Variants in NR5A2 observed in about 807,000 individuals in gnomAD.
The protein encoded by NR5A2 is CYP7A promoter-binding factor.
A neutral mutation model predicts 62.7 loss-of-function variants in NR5A2; 26 were observed. That is an observed-to-expected ratio of 0.41 (90% confidence interval 0.30 to 0.58). The LOEUF (loss-of-function observed/expected upper bound fraction) is 0.58, where lower values mean the gene tolerates loss of function less well. Ranked by LOEUF, NR5A2 falls within the 20% of genes least tolerant of loss-of-function variation. The pLI is 0.22. For missense variants in NR5A2, 541 were observed against 669.1 expected (o/e 0.81, Z 2.11); for synonymous variants, 246 against 241.7 (o/e 1.02, Z -0.16).
intron 5 of NR5A2, among the ~76,000 whole-genome samples, chr1:200,079,954 T>C (rs1436892258): frequency 4.6e-5 from 7 of 152,196 alleles, no homozygotes; most frequent in Admixed American, 4.6e-4. Context: ...ATTTAGTCAT[T>C]TGGGTTTCAA....
At chr1:200,062,227 T>TGTGTGTGTG (rs1663256673) in intron 5 of NR5A2, among the ~76,000 whole-genome samples, 12 of 145,666 alleles carry the variant, frequency 8.2e-5, no homozygotes, top group African/African-American at 2.5e-4. Context: ...CTGGCAGATT[T>TGTGTGTGTG]TGTGTGTGTG....
At chr1:200,116,507 A>G (rs181240345) in intron 6 of NR5A2, among the ~76,000 whole-genome samples, 1 of 152,332 alleles carries the variant, frequency 6.6e-6, no homozygotes, top group East Asian at 1.9e-4. Context: ...GAATTGAACT[A>G]TGTCTGTTCA....
Position 200,176,008 on chromosome 1 carries a change from A to C in NR5A2, c.*1798A>C, listed in dbSNP as rs911968111. 6 of 152,676 alleles carry C rather than the reference A, an allele frequency of 3.9e-5. No individual in the cohort carries two copies. Among genetic ancestry groups the C allele is most frequent in the Non-Finnish European group, 8.8e-5 (6 of 68,036 alleles). The allele number at this position is 152,676 out of a possible 1,614,324, so 9.5% of individuals were successfully genotyped here. On this transcript the variant is annotated 3_prime_UTR_variant, in exon 8 of 8. Coordinates refer to ENST00000367362, the MANE Select transcript of NR5A2 (RefSeq NM_205860.3). ...TATAAGATATAGCCAAGACTGAAGA[A>C]ACCAAATATATGTGTTTACTGTAGC...
chr1:200,136,202 A>C (rs1181740567), intron 7 of NR5A2, among the ~76,000 whole-genome samples: 1 of 151,844 alleles, frequency 6.6e-6, no homozygotes, highest in Non-Finnish European at 1.5e-5. Flanking sequence ...CTATGCTAGG[A>C]AGCTCTTCAC....
rs1194751512 is a variant in NR5A2 at position 200,043,028 on chromosome 1, T to C, written c.203-746T>C. 3.0e-6 allele frequency: 3 copies of C among 983,828 alleles called. No individual in the cohort carries two copies. In the African/African-American group the frequency reaches 5.2e-5, roughly 17 times the overall value. The allele number at this position is 983,828 out of a possible 1,614,324, so 60.9% of individuals were successfully genotyped here. A position where few individuals can be genotyped will look rare whatever the true frequency, so the allele number is the denominator to read the frequency against. The stretch of plus-strand genomic sequence containing the variant: ...GGTTCATTACAGGGCTTCAATACTT[T>C]GAAACCAAAACCCTTCTGTGTGTCT... On this transcript the variant is annotated intron_variant, in intron 2 of 7. Transcript: ENST00000367362.
intron 7 of NR5A2, among the ~76,000 whole-genome samples, chr1:200,161,105 C>G (rs886715116): frequency 1.3e-5 from 2 of 152,048 alleles, no homozygotes; most frequent in African/African-American, 2.4e-5. Flanking sequence ...CCTCCAAGAC[C>G]AGCCAAGGCA....
intron 5 of NR5A2, among the ~76,000 whole-genome samples, chr1:200,093,931 C>A (rs1314706725): frequency 6.6e-6 from 1 of 151,996 alleles, no homozygotes; most frequent in African/African-American, 2.4e-5. Context: ...CTGAGGCGGG[C>A]GGATCACGAG....
intron 7 of NR5A2, among the ~76,000 whole-genome samples, chr1:200,129,844 G>C (rs894970835): frequency 1.3e-5 from 2 of 152,156 alleles, no homozygotes; most frequent in Admixed American, 6.5e-5. Context: ...GTTCTGACCT[G>C]GGCTGTGCTC....
chr1:200,111,433 G>T, intron 6 of NR5A2, 112 bp downstream of exon 6: 2 of 1,185,762 alleles, frequency 1.7e-6, no homozygotes, highest in South Asian at 3.2e-5. Flanking sequence ...GGGAGAGATT[G>T]GCTGCCAATA....
chr1:200,122,516 C>G (rs1383639477), intron 7 of NR5A2, among the ~76,000 whole-genome samples: 2 of 152,140 alleles, frequency 1.3e-5, no homozygotes, highest in Non-Finnish European at 1.5e-5. Flanking sequence ...GTTTTCAGCA[C>G]TTTTAACTTT....
At chr1:200,141,281 C>T (rs1310533695) in intron 7 of NR5A2, among the ~76,000 whole-genome samples, 2 of 152,258 alleles carry the variant, frequency 1.3e-5, no homozygotes, top group African/African-American at 2.4e-5. Context: ...CCACCCCTCC[C>T]TCCATTCTTA....
At chr1:200,087,480 C>T (rs1316536317) in intron 5 of NR5A2, among the ~76,000 whole-genome samples, 2 of 151,986 alleles carry the variant, frequency 1.3e-5, no homozygotes, top group South Asian at 2.1e-4. Flanking sequence ...CTGCAACCTC[C>T]GCCTCCTGGG....
At chr1:200,158,582 T>C (rs1653489009) in intron 7 of NR5A2, among the ~76,000 whole-genome samples, 1 of 152,198 alleles carries the variant, frequency 6.6e-6, no homozygotes, top group African/African-American at 2.4e-5. Flanking sequence ...AGTTACATAC[T>C]CAAAGGCTAA....
intron 5 of NR5A2, among the ~76,000 whole-genome samples, chr1:200,103,121 TC>T (rs1665465844): frequency 1.5e-5 from 2 of 131,318 alleles, no homozygotes; most frequent in South Asian, 4.6e-4. Flanking sequence ...CATGTAAAAC[TC>T]TTTTTTTTTT....
Position 200,147,990 on chromosome 1 carries a change from T to C in NR5A2, c.1379-25973T>C. On this transcript the variant is annotated intron_variant, in intron 7 of 7. Transcript: ENST00000367362. The surrounding 1 kb of genome is among the most constrained non-coding windows in gnomAD (Gnocchi z 4.9). ...GCATCGGGCGGCCGCCTTGACCTCC[T>C]CCCGCGAGCCGAAAACGCCCAGTTC... The C allele has an allele frequency of 3.3e-6, 1 of 302,094 alleles. No homozygotes were observed. Among genetic ancestry groups the C allele is most frequent in the Admixed American group, 4.8e-5 (1 of 20,828 alleles). The allele number at this position is 302,094 out of a possible 1,614,324, so 18.7% of individuals were successfully genotyped here.
At position 200,175,014 on chromosome 1, in the gene NR5A2, T is replaced by C. The variant is rs781588811; in HGVS notation, c.*804T>C. On this transcript the variant is annotated 3_prime_UTR_variant, in exon 8 of 8. Coordinates refer to ENST00000367362, the MANE Select transcript of NR5A2 (RefSeq NM_205860.3). ...ACTTTCAAAGCAAATGCTCCATAGC[T>C]AAAGCAACTTAGACCTTATTTCTGC... 2.0e-5 allele frequency: 3 copies of C among 152,676 alleles called. No individual in the cohort carries two copies. The highest frequency in any genetic ancestry group is 2.4e-5 in the African/African-American group (1 of 41,462). The allele number at this position is 152,676 out of a possible 1,614,324, so 9.5% of individuals were successfully genotyped here.
intron 6 of NR5A2, among the ~76,000 whole-genome samples, chr1:200,116,665 G>T (rs928207983): frequency 2.6e-5 from 4 of 152,216 alleles, no homozygotes; most frequent in Admixed American, 6.5e-5. Context: ...TTTGAATCAG[G>T]CATCTACATA....
At chr1:200,132,838 C>A (rs927579397) in intron 7 of NR5A2, among the ~76,000 whole-genome samples, 19 of 152,204 alleles carry the variant, frequency 1.2e-4, no homozygotes, top group Admixed American at 9.8e-4. Context: ...GTCCCTAACA[C>A]CCACATCCCA....
intron 7 of NR5A2, among the ~76,000 whole-genome samples, chr1:200,159,086 G>A (rs1476924098): frequency 2.0e-5 from 3 of 151,388 alleles, no homozygotes; most frequent in Non-Finnish European, 4.4e-5. Flanking sequence ...GTCAAAATGG[G>A]ATCTCACTAT....
Sources: gnomAD v4.1 joint callset for allele counts (sites outside exome capture counted in the v4.1 genomes callset) on GRCh38, gnomAD v4.1.1 for gene constraint, Gnocchi (gnomAD v3.1) non-coding constraint, MANE v1.5 for transcripts, NCBI Gene and HGNC (gene_info 2026-07-23, HGNC 2026-07-21) for gene names.